CA5A: variants seen among roughly 807,000 people sequenced by gnomAD.
CA5A encodes carbonic anhydrase 5A, mitochondrial.
Under a neutral mutation model 37.1 loss-of-function variants are expected in CA5A, and 28 were observed. That is an observed-to-expected ratio of 0.75 (90% confidence interval 0.56 to 1.03). CA5A has a LOEUF of 1.03. Ranked by LOEUF, CA5A falls within the 50% of genes least tolerant of loss-of-function variation. The pLI, the probability that CA5A is intolerant of heterozygous loss-of-function variation, is 0.00. For synonymous variants in CA5A, 171 were observed against 158.4 expected (o/e 1.08, Z -0.60); for missense variants, 444 against 399.9 (o/e 1.11, Z -0.94).
chr16:87,893,648 C>T (rs758555227), intron 5 of CA5A: 39 of 623,792 alleles, frequency 6.3e-5, no homozygotes, highest in African/African-American at 2.8e-4. Flanking sequence ...CCCCTGGTGC[C>T]GACAAGATAG....
intron 3 of CA5A, among the ~76,000 whole-genome samples, chr16:87,903,146 GC>G (rs2055905496): frequency 6.6e-6 from 1 of 151,762 alleles, no homozygotes; most frequent in Non-Finnish European, 1.5e-5. Flanking sequence ...AGAAACTCAG[GC>G]CTCGGCTGGG....
intron 2 of CA5A, among the ~76,000 whole-genome samples, chr16:87,914,159 C>A (rs536511524): frequency 6.6e-5 from 10 of 152,306 alleles, no homozygotes; most frequent in African/African-American, 2.4e-4. Flanking sequence ...CACCGATTTA[C>A]AATAGGAACT....
chr16:87,907,997 T>C (rs971512242), intron 2 of CA5A, among the ~76,000 whole-genome samples: 2 of 152,222 alleles, frequency 1.3e-5, no homozygotes, highest in Admixed American at 6.5e-5. Context: ...CAGGACTTAG[T>C]GCAGGAAGGG....
At position 87,936,490 on chromosome 16, in the gene CA5A, A is replaced by G. The variant is rs764859829; in HGVS notation, c.-40T>C. 6.2e-7 allele frequency: 1 copy of G among 1,610,536 alleles called. No individual in the cohort carries two copies. Among genetic ancestry groups the G allele is most frequent in the Non-Finnish European group, 8.5e-7 (1 of 1,178,796 alleles). ...CACTGACTCCAGTCTGAAGAGGGTG[A>G]TGTTCCCTGCTGTCTGTTCTCACTT... is the stretch of plus-strand genomic sequence containing the variant. On this transcript the variant is annotated 5_prime_UTR_variant, in exon 1 of 7. Coordinates refer to ENST00000649794, the MANE Select transcript of CA5A (RefSeq NM_001739.2).
chr16:87,903,072 CAATAGA>C (rs1364543028), intron 3 of CA5A, among the ~76,000 whole-genome samples: 1 of 152,026 alleles, frequency 6.6e-6, no homozygotes, highest in African/African-American at 2.4e-5. Context: ...TAACCTCATC[CAATAGA>C]AATGGGTGGT....
intron 1 of CA5A, among the ~76,000 whole-genome samples, chr16:87,928,847 C>T (rs2056355666): frequency 6.8e-6 from 1 of 147,432 alleles, no homozygotes; most frequent in African/African-American, 2.5e-5. Context: ...CGGCTCACTG[C>T]ACCCTGTGCC....
chr16:87,899,031 G>A (rs1254960376), intron 5 of CA5A, among the ~76,000 whole-genome samples: 1 of 152,062 alleles, frequency 6.6e-6, no homozygotes. Flanking sequence ...CACCATACCT[G>A]GGCTACTGTG....
chr16:87,891,808 G>C lies in CA5A; in HGVS notation c.765C>G (p.Ala255=). ...WIIQKEPVEV[A]PSQLSAFRTL... The stretch of plus-strand genomic sequence containing the variant: ...TACGGGCACGGCTCACCTGGCTTGG[G>C]GCCACTTCAACGGGCTCCTTCTGGA... The change falls in exon 6 of 7, where the codon GCC becomes GCG. Residue 255 remains alanine, a synonymous_variant. Transcript: ENST00000649794. 6.5e-7 allele frequency: 1 copy of C among 1,529,652 alleles called. No homozygotes were observed. The allele number at this position is 1,529,652 out of a possible 1,614,324, so 94.8% of individuals were successfully genotyped here. A position where few individuals can be genotyped will look rare whatever the true frequency, so the allele number is the denominator to read the frequency against.
At chr16:87,928,536 G>A (rs1408928815) in intron 1 of CA5A, among the ~76,000 whole-genome samples, 2 of 151,844 alleles carry the variant, frequency 1.3e-5, no homozygotes, top group Non-Finnish European at 2.9e-5. Flanking sequence ...CTTGTAAGTT[G>A]CCTTTTTTCA....
At chr16:87,925,861 A>G (rs1183400750) in intron 2 of CA5A, among the ~76,000 whole-genome samples, 2 of 151,580 alleles carry the variant, frequency 1.3e-5, no homozygotes, top group East Asian at 1.9e-4. Flanking sequence ...ACTGCCTCCT[A>G]TTTAACCCCT....
chr16:87,883,640 A>AT (rs150442895), downstream of CA5A: 14,056 of 112,516 alleles, frequency 0.12, 764 homozygotes, highest in Middle Eastern at 0.25. Context: ...TACTTTTCGT[A>AT]TTTTTTTTTT....
At chr16:87,931,831 C>T (rs749691416) in intron 1 of CA5A, among the ~76,000 whole-genome samples, 6 of 152,348 alleles carry the variant, frequency 3.9e-5, no homozygotes, top group Non-Finnish European at 7.3e-5. Context: ...CAACTATGGA[C>T]GCGGGAGCCG....
intron 2 of CA5A, among the ~76,000 whole-genome samples, chr16:87,912,290 A>T (rs1370273697): frequency 1.3e-5 from 2 of 152,098 alleles, no homozygotes; most frequent in Non-Finnish European, 2.9e-5. Context: ...CGACAGAGGG[A>T]GACTCCATCT....
chr16:87,926,701 A>G, intron 2 of CA5A, 47 bp downstream of exon 2: 4 of 1,489,892 alleles, frequency 2.7e-6, no homozygotes, highest in Non-Finnish European at 2.8e-6. Context: ...CCCTGCTGCC[A>G]GAACAACGGG....
intron 2 of CA5A, among the ~76,000 whole-genome samples, chr16:87,921,046 G>A (rs372432527): frequency 2.6e-5 from 4 of 152,210 alleles, no homozygotes; most frequent in East Asian, 3.9e-4. Context: ...GCCTGCCTTG[G>A]CCTCCCAAAG....
Position 87,936,293 on chromosome 16 carries a change from T to G in CA5A, c.142+16A>C, listed in dbSNP as rs1488349300. 1.3e-6 allele frequency: 2 copies of G among 1,594,108 alleles called. No homozygotes were observed. Among genetic ancestry groups the G allele is most frequent in the Non-Finnish European group, 1.7e-6 (2 of 1,162,444 alleles). ...AGGATCCAGTCGCATCTTAGGAAAT[T>G]TGAGGCTCTACTTACAAGTGTTATT... On this transcript the variant is annotated intron_variant, in intron 1 of 6. Transcript: ENST00000649794.
chr16:87,912,078 G>C (rs1425002509), intron 2 of CA5A, among the ~76,000 whole-genome samples: 1 of 152,200 alleles, frequency 6.6e-6, no homozygotes, highest in Non-Finnish European at 1.5e-5. Context: ...GAGGCGGGCA[G>C]ATCACTTGAG....
At chr16:87,925,493 G>A (rs1219617418) in intron 2 of CA5A, 2 of 152,314 alleles carry the variant, frequency 1.3e-5, no homozygotes, top group African/African-American at 4.8e-5. Flanking sequence ...TGTTCACATA[G>A]GCACCTGATA....
chr16:87,916,801 C>T (rs771225656), intron 2 of CA5A, among the ~76,000 whole-genome samples: 2 of 152,044 alleles, frequency 1.3e-5, no homozygotes, highest in African/African-American at 4.8e-5. Context: ...GGAAGCTGGA[C>T]GATCAGAAAT....
Sources: allele counts gnomAD v4.1 joint callset (sites outside exome capture counted in the v4.1 genomes callset), GRCh38; gene constraint gnomAD v4.1.1; transcripts MANE v1.5; gene names NCBI Gene and HGNC (gene_info 2026-07-23, HGNC 2026-07-21).